The following OSGEP variants were observed in gnomAD, a reference collection of about 807,000 sequenced individuals.
OSGEP encodes tRNA N6-adenosine threonylcarbamoyltransferase.
A neutral mutation model predicts 44.1 loss-of-function variants in OSGEP; 39 were observed. The ratio of observed to expected loss-of-function variants is 0.88; its 90% CI spans 0.69 to 1.16. OSGEP has a LOEUF of 1.16. Among genes scored for constraint, OSGEP ranks in the 50% most tolerant of loss-of-function variants. OSGEP has a pLI of 0.00. For synonymous variants in OSGEP, 139 were observed against 161.9 expected (o/e 0.86, Z 1.07); for missense variants, 403 against 443.1 (o/e 0.91, Z 0.81).
chr14:20,452,919 A>C (rs796157525), intron 1 of OSGEP, among the ~76,000 whole-genome samples: 19 of 152,210 alleles, frequency 1.2e-4, no homozygotes, highest in Admixed American at 5.2e-4. Context: ...CATATTGGCC[A>C]GGCTGGTCTC....
intron 3 of OSGEP, chr14:20,450,673 T>C (rs1881072587): frequency 6.6e-6 from 1 of 152,266 alleles, no homozygotes; most frequent in South Asian, 2.1e-4. Flanking sequence ...GTGCCTCATC[T>C]TCTCGACACA....
intron 3 of OSGEP, chr14:20,450,439 A>C (rs3120071): frequency 0.6 from 90,986 of 152,030 alleles, 27,417 homozygotes; most frequent in African/African-American, 0.62. Context: ...TGCTTCTGCT[A>C]TCCACTCCTC....
intron 1 of OSGEP, among the ~76,000 whole-genome samples, chr14:20,453,720 C>T (rs936521833): frequency 3.9e-5 from 6 of 152,096 alleles, no homozygotes; most frequent in African/African-American, 1.4e-4. Flanking sequence ...GGTATTATTC[C>T]CATTTTAAAA....
chr14:20,448,791 A>G lies in OSGEP; in HGVS notation c.578T>C (p.Leu193Pro). The G allele has an allele frequency of 6.2e-7, 1 of 1,612,970 alleles. No individual in the cohort carries two copies. Among genetic ancestry groups the G allele is most frequent in the South Asian group, 1.1e-5 (1 of 91,058 alleles). Residue 193 changes from leucine (L) to proline (P), a missense_variant, in exon 6 of 11, where the codon CTG becomes CCG. Transcript: ENST00000206542. Reference sequence around the variant, plus strand: ...GTCCATCCCCTTTACAGTGTATGGCAGCTCAACTAGCTTCTTGCCTCTATG... The same window carrying G: ...GTCCATCCCCTTTACAGTGTATGGCGGCTCAACTAGCTTCTTGCCTCTATG... ...MAKRGKKLVE[L>P]PYTVKGMDVS...
chr14:20,451,966 C>CTAAA lies in OSGEP; in HGVS notation c.411+4_411+7dup. 1 of 1,586,684 alleles carries CTAAA rather than the reference C, an allele frequency of 6.3e-7. No homozygotes were observed. Among genetic ancestry groups the CTAAA allele is most frequent in the Non-Finnish European group, 8.6e-7 (1 of 1,164,556 alleles). ...ATTGAGATGGAGTGGGTAGAGCCCT[C>CTAAA]TAAATACCTGCGTATTTCCTCCACT... On this transcript the variant is annotated splice_region_variant and intron_variant, in intron 3 of 10. Coordinates refer to ENST00000206542, the MANE Select transcript of OSGEP (RefSeq NM_017807.4).
In OSGEP at chr14:20,447,604, AGT is replaced by A; in HGVS notation, c.869+9_869+10del. ...GAAGTAAAAAAGAAACCAAAGGGAA[AGT>A]GTCTTTACCTCTCATCTGTAGCAAA... On this transcript the variant is annotated intron_variant, in intron 9 of 10. Transcript: ENST00000206542. 3.1e-6 allele frequency: 5 copies of A among 1,612,836 alleles called. No homozygotes were observed. In the East Asian group the frequency reaches 1.1e-4, roughly 36 times the overall value.
intron 2 of OSGEP, 54 bp downstream of exon 2, chr14:20,452,275 C>A: frequency 6.2e-7 from 1 of 1,606,300 alleles, no homozygotes; most frequent in Non-Finnish European, 8.5e-7. Flanking sequence ...GCTATTTTGA[C>A]CTAGCCAGGT....
chr14:20,452,708 CTTTT>C (rs59935464), intron 1 of OSGEP, among the ~76,000 whole-genome samples: 1 of 135,314 alleles, frequency 7.4e-6, no homozygotes, highest in Non-Finnish European at 1.6e-5. Context: ...CTTTCGTGAT[CTTTT>C]TTTTTTTTTT....
At chr14:20,448,059 T>A (rs142264120) in intron 7 of OSGEP, 47 bp downstream of exon 7, 5 of 1,592,646 alleles carry the variant, frequency 3.1e-6, no homozygotes, top group Non-Finnish European at 4.3e-6. Flanking sequence ...CTCTACAATA[T>A]AAAACCTTCA....
Position 20,449,015 on chromosome 14 carries a change from TAGC to T in OSGEP, c.508-5_508-3del. The T allele has an allele frequency of 2.5e-6, 4 of 1,613,046 alleles. No individual in the cohort carries two copies. The highest frequency in any genetic ancestry group is 2.5e-6 in the Non-Finnish European group (3 of 1,179,034). ...TCCTGGACTTGGGTCGTTAGAAATC[TAGC>T]AGAAGAAAAAAATAAGGAAGGAGGG... On this transcript the variant is annotated splice_region_variant and splice_polypyrimidine_tract_variant and intron_variant, in intron 4 of 10. Transcript: ENST00000206542.
chr14:20,453,067 TTAACA>T (rs57708105), intron 1 of OSGEP, among the ~76,000 whole-genome samples: 8,028 of 152,254 alleles, frequency 0.053, 257 homozygotes, highest in African/African-American at 0.091. Flanking sequence ...TGTCATTTAT[TTAACA>T]TAACAATTAC....
Position 20,452,099 on chromosome 14 carries a change from C to T in OSGEP, c.286G>A (p.Val96Met), listed in dbSNP as rs1205054259. Residue 96 changes from valine (V) to methionine (M), a missense_variant, in exon 3 of 11, where the codon GTG becomes ATG. By Grantham distance (21) the Val-to-Met change is conservative. Coordinates refer to ENST00000206542, the MANE Select transcript of OSGEP (RefSeq NM_017807.4). ...LVSVAVVART[V>M]AQLWNKPLVG... ...AATGGCTTATTCCACAGTTGGGCCA[C>T]AGTACGGGCCACAACAGCCACAGAA... is the stretch of plus-strand genomic sequence containing the variant. 3.1e-6 allele frequency: 5 copies of T among 1,613,416 alleles called. No homozygotes were observed. The highest frequency in any genetic ancestry group is 1.1e-5 in the South Asian group (1 of 91,022).
intron 1 of OSGEP, among the ~76,000 whole-genome samples, chr14:20,454,114 T>A (rs1177842122): frequency 6.6e-6 from 1 of 152,244 alleles, no homozygotes; most frequent in Admixed American, 6.5e-5. Context: ...GTCTGACATG[T>A]AAGCCGGGAG....
intron 1 of OSGEP, 75 bp downstream of exon 1, chr14:20,454,494 A>T: frequency 1.0e-6 from 1 of 966,170 alleles, no homozygotes. Flanking sequence ...GCACCTCACT[A>T]GTATTTAGGA....
Position 20,447,663 on chromosome 14 carries a change from G to A in OSGEP, c.821C>T (p.Ala274Val), listed in dbSNP as rs750965936. Reference protein sequence around the residue: ...GCNVRLQEMMATMCQERGARL... With the variant: ...GCNVRLQEMMVTMCQERGARL... ...GGCTCCACGTTCCTGGCACATTGTTGCCATCATCTCCTGTAGCCTCACATT... is the reference window on the plus strand; with the variant it reads ...GGCTCCACGTTCCTGGCACATTGTTACCATCATCTCCTGTAGCCTCACATT... The change falls in exon 9 of 11, where the codon GCA (alanine) becomes GTA (valine). Residue 274 changes from alanine to valine, a missense_variant. Coordinates refer to ENST00000206542, the MANE Select transcript of OSGEP (RefSeq NM_017807.4). The A allele has an allele frequency of 6.2e-6, 10 of 1,613,942 alleles. No individual in the cohort carries two copies. The highest frequency in any genetic ancestry group is 8.5e-6 in the Non-Finnish European group (10 of 1,179,840).
At position 20,446,610 on chromosome 14, in the gene OSGEP, C is replaced by T. The variant is rs1880951490; in HGVS notation, c.*630G>A. On this transcript the variant is annotated 3_prime_UTR_variant, in exon 11 of 11. Transcript: ENST00000206542. ...CGCCACCATGCCCAGATAATTTTTA[C>T]ATTTTTCAAATAGATGGTGTCTTGC... The T allele has an allele frequency of 6.6e-6, 1 of 152,118 alleles. No homozygotes were observed. Among genetic ancestry groups the T allele is most frequent in the South Asian group, 2.1e-4 (1 of 4,828 alleles). 9.4% of individuals were successfully genotyped at this position (152,118 alleles called of 1,614,324 possible). A position where few individuals can be genotyped will look rare whatever the true frequency, so the allele number is the denominator to read the frequency against.
Position 20,454,588 on chromosome 14 carries a change from G to T in OSGEP, c.96C>A (p.Tyr32Ter). The T allele has an allele frequency of 6.2e-7, 1 of 1,613,606 alleles. No homozygotes were observed. The highest frequency in any genetic ancestry group is 8.5e-7 in the Non-Finnish European group (1 of 1,179,438). ...ACCAACCTGTGCCAGGAGGCGTGAC[G>T]TAAGTCCGCCGCGGGTTCGCCAGCA... is the stretch of plus-strand genomic sequence containing the variant. ...GKVLANPRRT[Y>*]VTPPGTGFLP... Residue 32 changes from tyrosine (Y) to a stop codon, truncating the protein, a stop_gained, in exon 1 of 11, where the codon TAC becomes TAA. Transcript: ENST00000206542. LOFTEE classifies it high-confidence loss of function.
At chr14:20,452,249 C>A in intron 2 of OSGEP, 80 bp downstream of exon 2, 1 of 1,591,254 alleles carries the variant, frequency 6.3e-7, no homozygotes, top group South Asian at 1.1e-5. Flanking sequence ...GTGATGGTGG[C>A]AGAGGTAAGG....
rs1047544549 is a variant in OSGEP at position 20,447,139 on chromosome 14, A to G, written c.*101T>C. 5 of 984,968 alleles carry G rather than the reference A, an allele frequency of 5.1e-6. No homozygotes were observed. The highest frequency in any genetic ancestry group is 8.1e-6 in the Non-Finnish European group (5 of 614,790). The allele number at this position is 984,968 out of a possible 1,614,324, so 61.0% of individuals were successfully genotyped here. ...GGACCCCAAGCCTTGCTTGGAGTCT[A>G]TAGCTTTGCTAGGACTCCCATGACA... On this transcript the variant is annotated 3_prime_UTR_variant, in exon 11 of 11. Transcript: ENST00000206542.
Sources: gnomAD v4.1 joint callset for allele counts (sites outside exome capture counted in the v4.1 genomes callset) on GRCh38, gnomAD v4.1.1 for gene constraint, MANE v1.5 for transcripts, NCBI Gene and HGNC (gene_info 2026-07-23, HGNC 2026-07-21) for gene names.